Variants in MIR2052HG observed in about 807,000 individuals in gnomAD.
MIR2052HG encodes the protein MIR2052 host gene.
At chr8:74,635,126 T>C (rs764867531) in intron 2 of MIR2052HG, among the ~76,000 whole-genome samples, 1 of 152,180 alleles carries the variant, frequency 6.6e-6, no homozygotes, top group Non-Finnish European at 1.5e-5. Flanking sequence ...AAGGGTATTA[T>C]GGTCTCATTT....
intron 1 of MIR2052HG, among the ~76,000 whole-genome samples, chr8:74,602,877 T>TTTCTTTCCTTTCTTTCTTTCTTTCTTTC: frequency 1.9e-5 from 1 of 53,798 alleles, no homozygotes; most frequent in African/African-American, 1.1e-4. Context: ...TTCTTTCTTT[T>TTTCTTTCCTTTCTTTCTTTCTTTCTTTC]TTCTATTCAC....
At position 74,693,512 on chromosome 8, in the gene MIR2052HG, G is replaced by A. The variant is rs186630320; in HGVS notation, n.217-8867G>A. 9.8e-3 allele frequency among the ~76,000 whole-genome samples: 1,461 copies of A among 149,434 alleles called. 21 individuals carry two copies. The highest frequency in any genetic ancestry group is 0.033 in the African/African-American group (1,331 of 40,538). On this transcript the variant is annotated intron_variant and non_coding_transcript_variant, in intron 2 of 6. Coordinates refer to ENST00000523442, the Ensembl canonical transcript of MIR2052HG. Reference sequence around the variant, plus strand: ...GGCAGGATTCCTGAAAGCCCTGCTTGCTTTCTCAGTGGGGAGGCTTAGAGC... The same window carrying A: ...GGCAGGATTCCTGAAAGCCCTGCTTACTTTCTCAGTGGGGAGGCTTAGAGC...
chr8:74,696,534 GT>G (rs1159893517), intron 2 of MIR2052HG, among the ~76,000 whole-genome samples: 2 of 151,924 alleles, frequency 1.3e-5, no homozygotes, highest in Non-Finnish European at 2.9e-5. Flanking sequence ...AACAAAAGAT[GT>G]TTTTTGAAAA....
At chr8:74,697,447 T>A (rs565663533) in intron 2 of MIR2052HG, among the ~76,000 whole-genome samples, 26 of 152,230 alleles carry the variant, frequency 1.7e-4, no homozygotes, top group African/African-American at 6.0e-4. Flanking sequence ...ACCACTTACA[T>A]TCAACATAGT....
chr8:74,699,669 G>A (rs1809338679), intron 2 of MIR2052HG, among the ~76,000 whole-genome samples: 1 of 151,930 alleles, frequency 6.6e-6, no homozygotes, highest in Non-Finnish European at 1.5e-5. Context: ...GATAAAAGAC[G>A]ACATATTGGG....
intron 4 of MIR2052HG, among the ~76,000 whole-genome samples, chr8:74,749,443 A>G (rs930658032): frequency 6.6e-6 from 1 of 152,222 alleles, no homozygotes; most frequent in African/African-American, 2.4e-5. Flanking sequence ...AGTTGAAGCA[A>G]AATTGTGATG....
intron 2 of MIR2052HG, among the ~76,000 whole-genome samples, chr8:74,651,968 C>T (rs1808757791): frequency 6.6e-6 from 1 of 152,166 alleles, no homozygotes; most frequent in Non-Finnish European, 1.5e-5. Context: ...CTGGCATTCA[C>T]TGGCAATGAT....
chr8:74,649,508 A>G (rs1808730388), intron 2 of MIR2052HG, among the ~76,000 whole-genome samples: 1 of 152,044 alleles, frequency 6.6e-6, no homozygotes, highest in African/African-American at 2.4e-5. Context: ...TGTGAATATG[A>G]ATATATTTAC....
chr8:74,621,030 A>G (rs1163279670), intron 2 of MIR2052HG, among the ~76,000 whole-genome samples: 1 of 152,218 alleles, frequency 6.6e-6, no homozygotes, highest in Non-Finnish European at 1.5e-5. Context: ...CAGAAGCAAA[A>G]TGCCACCATT....
intron 1 of MIR2052HG, among the ~76,000 whole-genome samples, chr8:74,601,748 T>G (rs1808004028): frequency 6.6e-6 from 1 of 152,216 alleles, no homozygotes; most frequent in African/African-American, 2.4e-5. Flanking sequence ...AAACATTTAA[T>G]TGATACTTGA....
chr8:74,657,259 A>G lies in MIR2052HG; in HGVS notation n.216+44319A>G, dbSNP rs146145053. 4.9e-3 allele frequency among the ~76,000 whole-genome samples: 739 copies of G among 152,326 alleles called. 3 individuals carry two copies. Among genetic ancestry groups the G allele is most frequent in the African/African-American group, 0.015 (618 of 41,580 alleles). On this transcript the variant is annotated intron_variant and non_coding_transcript_variant, in intron 2 of 6. Coordinates refer to ENST00000523442, the Ensembl canonical transcript of MIR2052HG. ...TCCACAGTTGCCAGCTTCCCACTGC[A>G]GCAGCACCAGTCTGGGGAGTGAGGA...
chr8:74,727,416 A>G (rs1201233006), intron 4 of MIR2052HG, among the ~76,000 whole-genome samples: 2 of 152,196 alleles, frequency 1.3e-5, no homozygotes, highest in Non-Finnish European at 2.9e-5. Flanking sequence ...TTTCAGTAAA[A>G]TATAAAGAAA....
At chr8:74,633,962 C>T (rs540290314) in intron 2 of MIR2052HG, among the ~76,000 whole-genome samples, 1 of 152,282 alleles carries the variant, frequency 6.6e-6, no homozygotes, top group South Asian at 2.1e-4. Context: ...ATTAGATGTA[C>T]CGAGCCTCTT....
intron 5 of MIR2052HG, among the ~76,000 whole-genome samples, chr8:74,755,426 G>A (rs1809989307): frequency 6.6e-6 from 1 of 152,152 alleles, no homozygotes; most frequent in Admixed American, 6.5e-5. Context: ...GACCATATTA[G>A]CCATTGTAGT....
chr8:74,697,489 GAGAA>G (rs1336160169), intron 2 of MIR2052HG, among the ~76,000 whole-genome samples: 3 of 152,080 alleles, frequency 2.0e-5, no homozygotes, highest in African/African-American at 7.2e-5. Context: ...AATCAGACAA[GAGAA>G]AGAAAGAAAG....
At chr8:74,602,817 G>GTTTCTTTTCTTTCTTTC in intron 1 of MIR2052HG, among the ~76,000 whole-genome samples, 1 of 73,850 alleles carries the variant, frequency 1.4e-5, no homozygotes, top group East Asian at 7.3e-4. Flanking sequence ...GCCCGGCCGT[G>GTTTCTTTTCTTTCTTTC]TTTCTTTCTT....
intron 2 of MIR2052HG, among the ~76,000 whole-genome samples, chr8:74,671,446 A>T (rs1808991602): frequency 6.6e-6 from 1 of 152,052 alleles, no homozygotes; most frequent in Non-Finnish European, 1.5e-5. Context: ...CTTAATAGAG[A>T]GGTTTCTGTT....
chr8:74,710,519 T>C (rs1239329956), intron 4 of MIR2052HG, among the ~76,000 whole-genome samples: 1 of 152,180 alleles, frequency 6.6e-6, no homozygotes, highest in Non-Finnish European at 1.5e-5. Flanking sequence ...TAGAGATTTT[T>C]AACATTTTAA....
At chr8:74,643,068 A>G (rs781475419) in intron 2 of MIR2052HG, among the ~76,000 whole-genome samples, 22 of 152,196 alleles carry the variant, frequency 1.4e-4, no homozygotes, top group Non-Finnish European at 2.9e-4. Flanking sequence ...ACATTTTCAG[A>G]TAGACACATA....
Sources: allele counts gnomAD v4.1 joint callset (sites outside exome capture counted in the v4.1 genomes callset), GRCh38; gene constraint gnomAD v4.1.1; transcripts MANE v1.5; gene names NCBI Gene and HGNC (gene_info 2026-07-23, HGNC 2026-07-21).